PTPRJ: variants seen among roughly 807,000 people sequenced by gnomAD.
The protein encoded by PTPRJ is receptor-type tyrosine-protein phosphatase eta.
PTPRJ carries 129 observed loss-of-function variants against 141.3 expected under a neutral mutation model. The observed-to-expected ratio is 0.91, with a 90% CI of 0.79 to 1.06. The LOEUF is 1.06. PTPRJ is among the 50% of genes least tolerant of loss of function. The probability of loss-of-function intolerance (pLI) is 0.00; values close to 1 mark genes in which losing one functional copy is unlikely to be tolerated. For missense variants in PTPRJ, 1,601 were observed against 1,679.7 expected (o/e 0.95, Z 0.82); for synonymous variants, 610 against 640.5 (o/e 0.95, Z 0.72).
Position 47,982,978 on chromosome 11 carries a change from T to G in PTPRJ, c.96+1970T>G, listed in dbSNP as rs183626764. On this transcript the variant is annotated intron_variant, in intron 1 of 24. Coordinates refer to ENST00000418331, the MANE Select transcript of PTPRJ (RefSeq NM_002843.4). The stretch of plus-strand genomic sequence containing the variant: ...ATCTTCAAAATCCACATTCAGCAGT[T>G]CATTTTGATAATGGATATTTCAGGG... Among the ~76,000 whole-genome samples the G allele has an allele frequency of 3.8e-4, 58 of 152,312 alleles. 1 individual carries two copies. The highest frequency in any genetic ancestry group is 3.8e-3 in the Admixed American group (58 of 15,294).
chr11:48,131,987 A>T (rs906238462), intron 8 of PTPRJ: 7 of 273,750 alleles, frequency 2.6e-5, no homozygotes, highest in African/African-American at 1.6e-4. Flanking sequence ...CATTTTAAAA[A>T]TTTCTTCATT....
chr11:47,984,858 C>CTT (rs1300424461), intron 1 of PTPRJ, among the ~76,000 whole-genome samples: 3 of 138,236 alleles, frequency 2.2e-5, no homozygotes, highest in Non-Finnish European at 3.1e-5. Flanking sequence ...TGTGCCCGGC[C>CTT]TTTTTTTTTT....
intron 1 of PTPRJ, among the ~76,000 whole-genome samples, chr11:48,059,320 AT>A (rs1854853313): frequency 6.6e-6 from 1 of 151,962 alleles, no homozygotes; most frequent in Non-Finnish European, 1.5e-5. Flanking sequence ...GTGGGGTTTC[AT>A]CATGTTGGCC....
intron 21 of PTPRJ, among the ~76,000 whole-genome samples, chr11:48,159,122 G>GGTGT (rs1174836598): frequency 1.9e-4 from 1 of 5,300 alleles, no homozygotes; most frequent in African/African-American, 2.4e-4. Flanking sequence ...GTGTATGTGG[G>GGTGT]GTGTGTGTGT....
chr11:48,034,895 C>G (rs142000608), intron 1 of PTPRJ, among the ~76,000 whole-genome samples: 2 of 152,146 alleles, frequency 1.3e-5, no homozygotes, highest in Admixed American at 6.5e-5. Flanking sequence ...TTCAGATGCA[C>G]GAATGAGAAT....
chr11:48,164,483 C>T lies in PTPRJ; in HGVS notation c.3823C>T (p.Arg1275Ter), dbSNP rs926657160. ...TGTGTATGGGATTGTGTATGACCTT[C>T]GAATGCATAGGCCTTTAATGGTGCA... ...VDVYGIVYDL[R>*]MHRPLMVQTE... is the part of the protein sequence containing the mutation. Residue 1275 changes from arginine (R) to a stop codon, truncating the protein, a stop_gained, in exon 24 of 25, where the codon CGA (arginine) becomes TGA (stop). Coordinates refer to ENST00000418331, the MANE Select transcript of PTPRJ (RefSeq NM_002843.4). LOFTEE classifies it high-confidence loss of function. 7 of 1,610,712 alleles carry T rather than the reference C, an allele frequency of 4.3e-6. No individual in the cohort carries two copies. The highest frequency in any genetic ancestry group is 2.7e-5 in the African/African-American group (2 of 74,272).
At chr11:47,983,848 TGTA>T (rs1372846199) in intron 1 of PTPRJ, among the ~76,000 whole-genome samples, 1 of 152,210 alleles carries the variant, frequency 6.6e-6, no homozygotes, top group East Asian at 1.9e-4. Flanking sequence ...TTATTGGTCT[TGTA>T]GTGTTTTGGT....
chr11:48,160,354 T>C (rs1857735896), intron 22 of PTPRJ, among the ~76,000 whole-genome samples: 3 of 152,232 alleles, frequency 2.0e-5, no homozygotes, highest in Non-Finnish European at 4.4e-5. Context: ...TGCTCATAGA[T>C]TTTACAGAAC....
intron 1 of PTPRJ, among the ~76,000 whole-genome samples, chr11:48,057,666 G>A (rs1325167351): frequency 1.3e-5 from 2 of 152,060 alleles, no homozygotes; most frequent in Non-Finnish European, 2.9e-5. Context: ...GGGGAGAACT[G>A]TGTGGAGGGG....
At chr11:47,983,412 T>C (rs1853964345) in intron 1 of PTPRJ, among the ~76,000 whole-genome samples, 1 of 152,162 alleles carries the variant, frequency 6.6e-6, no homozygotes, top group Non-Finnish European at 1.5e-5. Flanking sequence ...TGTTATAAAA[T>C]GGAATCAACT....
At chr11:48,033,274 C>G (rs913969757) in intron 1 of PTPRJ, among the ~76,000 whole-genome samples, 1 of 151,712 alleles carries the variant, frequency 6.6e-6, no homozygotes, top group African/African-American at 2.4e-5. Context: ...GTGGAATGAG[C>G]TGGGGGTGGA....
chr11:48,139,904 T>C, intron 11 of PTPRJ, 128 bp downstream of exon 11: 1 of 1,007,000 alleles, frequency 9.9e-7, no homozygotes, highest in African/African-American at 1.6e-5. Context: ...AAATATTTGC[T>C]TTTACTGACA....
rs982994163 is a variant in PTPRJ at position 48,160,144 on chromosome 11, C to T, written c.3558+95C>T. ...AGGTTGATATTAACTAATATGTTTTCCTATGCAGTGAGAAATGTTTTGCTG... is the reference window on the plus strand; with the variant it reads ...AGGTTGATATTAACTAATATGTTTTTCTATGCAGTGAGAAATGTTTTGCTG... On this transcript the variant is annotated intron_variant, in intron 22 of 24. Coordinates refer to ENST00000418331, the MANE Select transcript of PTPRJ (RefSeq NM_002843.4). 3 of 1,488,996 alleles carry T rather than the reference C, an allele frequency of 2.0e-6. No individual in the cohort carries two copies. In the East Asian group the frequency reaches 6.9e-5, roughly 34 times the overall value. The allele number at this position is 1,488,996 out of a possible 1,614,324, so 92.2% of individuals were successfully genotyped here. A position where few individuals can be genotyped will look rare whatever the true frequency, so the allele number is the denominator to read the frequency against.
At position 48,150,088 on chromosome 11, in the gene PTPRJ, T is replaced by C. The variant is rs1555056739; in HGVS notation, c.3051-8T>C. 1.2e-6 allele frequency: 2 copies of C among 1,611,146 alleles called. No individual in the cohort carries two copies. Among genetic ancestry groups the C allele is most frequent in the Non-Finnish European group, 1.7e-6 (2 of 1,178,076 alleles). Reference sequence around the variant, plus strand: ...TGTAAAAAATCCTGATAAGTTTTGTTTTCTTAGATCTAAGTTAATCAGAGT... The same window carrying C: ...TGTAAAAAATCCTGATAAGTTTTGTCTTCTTAGATCTAAGTTAATCAGAGT... On this transcript the variant is annotated splice_region_variant and splice_polypyrimidine_tract_variant and intron_variant, in intron 17 of 24. Coordinates refer to ENST00000418331, the MANE Select transcript of PTPRJ (RefSeq NM_002843.4).
chr11:48,119,393 C>T (rs1409279916), intron 3 of PTPRJ, among the ~76,000 whole-genome samples: 5 of 152,000 alleles, frequency 3.3e-5, no homozygotes, highest in Non-Finnish European at 5.9e-5. Flanking sequence ...TATTCTCCTG[C>T]CTTATTTATT....
chr11:48,083,344 G>A (rs1227798526), intron 1 of PTPRJ, among the ~76,000 whole-genome samples: 1 of 152,208 alleles, frequency 6.6e-6, no homozygotes, highest in Non-Finnish European at 1.5e-5. Flanking sequence ...CTGGAGAATC[G>A]CTTGAACCCG....
rs956988918 is a variant in PTPRJ at position 48,136,231 on chromosome 11, A to G, written c.1808A>G (p.Asn603Ser). 6.2e-7 allele frequency: 1 copy of G among 1,614,158 alleles called. No homozygotes were observed. The highest frequency in any genetic ancestry group is 1.3e-5 in the African/African-American group (1 of 75,030). ...GGCCTGATTCCGGGCACCTTATATAACATCACCATCTCTCCAGAAGTGGAC... is the reference window on the plus strand; with the variant it reads ...GGCCTGATTCCGGGCACCTTATATAGCATCACCATCTCTCCAGAAGTGGAC... ...LQGLIPGTLY[N>S]ITISPEVDHV... Residue 603 changes from asparagine (N) to serine (S), a missense_variant, in exon 9 of 25, where the codon AAC becomes AGC. Coordinates refer to ENST00000418331, the MANE Select transcript of PTPRJ (RefSeq NM_002843.4).
At chr11:48,149,337 A>AAAT in intron 15 of PTPRJ, 110 bp from the exon 16 acceptor site, 1 of 750,894 alleles carries the variant, frequency 1.3e-6, no homozygotes, top group Non-Finnish European at 2.2e-6. Flanking sequence ...ATGCCTGAGG[A>AAAT]AAAGGTGTAA....
At chr11:48,019,060 G>T (rs940593996) in intron 1 of PTPRJ, among the ~76,000 whole-genome samples, 2 of 152,062 alleles carry the variant, frequency 1.3e-5, no homozygotes, top group Non-Finnish European at 2.9e-5. Flanking sequence ...CCCCTCTCAG[G>T]AGGGCCTGTG....
Sources: gnomAD v4.1 joint callset for allele counts (sites outside exome capture counted in the v4.1 genomes callset) on GRCh38, gnomAD v4.1.1 for gene constraint, MANE v1.5 for transcripts, NCBI Gene and HGNC (gene_info 2026-07-23, HGNC 2026-07-21) for gene names.